ZNF117: variants seen among roughly 807,000 people sequenced by gnomAD.
ZNF117 encodes the protein Krueppel-related zinc finger protein.
ZNF117 carries 37 observed loss-of-function variants against 41.2 expected under a neutral mutation model. The observed-to-expected ratio is 0.90, with a 90% CI of 0.69 to 1.18. ZNF117 has a LOEUF of 1.18. ZNF117 is among the 50% of genes most tolerant of loss of function. ZNF117 has a pLI of 0.00. For missense variants in ZNF117, 546 were observed against 557.5 expected, an observed-to-expected ratio of 0.98 and a Z score of 0.21; for synonymous variants, 186 against 186.6, an observed-to-expected ratio of 1.00 and a Z score of 0.02.
chr7:64,972,570 C>T (rs1268104220), downstream of ZNF117: 1 of 152,014 alleles, frequency 6.6e-6, no homozygotes, highest in African/African-American at 2.4e-5. Context: ...TTTACTTACA[C>T]AGGGATTCTA....
At chr7:64,979,096 G>T in exon 3 of ZNF117, 1 of 1,613,038 alleles carries the variant, frequency 6.2e-7, no homozygotes, top group Non-Finnish European at 8.5e-7. Context: ...TCTCCAGTAT[G>T]AATTCTCTTA....
chr7:64,976,626 T>A, exon 3 of ZNF117: 1 of 264,730 alleles, frequency 3.8e-6, no homozygotes, highest in Admixed American at 5.1e-5. Context: ...ATTAAAAGTT[T>A]TGCCACATTC....
chr7:64,978,036 T>C (rs1258071157), exon 3 of ZNF117: 1 of 1,424,018 alleles, frequency 7.0e-7, no homozygotes. Context: ...GGTTGAGAAA[T>C]GGTTAGAAGT....
At position 64,981,369 on chromosome 7, in the gene ZNF117, G is replaced by C; in HGVS notation, c.34+18C>G. The C allele has an allele frequency of 6.2e-7, 1 of 1,612,690 alleles. No individual in the cohort carries two copies. The highest frequency in any genetic ancestry group is 1.1e-5 in the South Asian group (1 of 91,028). On this transcript the variant is annotated intron_variant, in intron 2 of 2. Coordinates refer to ENST00000620222, the Ensembl canonical transcript of ZNF117. ...TTGACCTCTTCTCTGTGCCATCTGT[G>C]TATTCACTCTCACTTACCTAAATGT... is the stretch of plus-strand genomic sequence containing the variant.
exon 3 of ZNF117, chr7:64,978,867 T>C: frequency 6.2e-7 from 1 of 1,613,708 alleles, no homozygotes; most frequent in Non-Finnish European, 8.5e-7. Context: ...TTCAGTAAGC[T>C]TTGAGGCTTG....
chr7:64,978,767 C>CTTA, exon 3 of ZNF117: 1 of 1,613,270 alleles, frequency 6.2e-7, no homozygotes, highest in Non-Finnish European at 8.5e-7. Flanking sequence ...TATGAATGTA[C>CTTA]TTATGTTCAG....
upstream of ZNF117, among the ~76,000 whole-genome samples, chr7:64,985,427 A>T (rs1473284305): frequency 6.6e-6 from 1 of 152,176 alleles, no homozygotes; most frequent in Non-Finnish European, 1.5e-5. Flanking sequence ...CTTCATGCTC[A>T]ACTTTTGTGT....
exon 3 of ZNF117, chr7:64,978,990 T>C (rs1270916020): frequency 1.2e-6 from 2 of 1,613,474 alleles, no homozygotes; most frequent in Admixed American, 3.3e-5. Context: ...TTCTTCACAT[T>C]TGTAGGGTTT....
upstream of ZNF117, among the ~76,000 whole-genome samples, chr7:64,985,250 C>T (rs1786111100): frequency 6.6e-6 from 1 of 152,188 alleles, no homozygotes; most frequent in African/African-American, 2.4e-5. Context: ...TAAACCAAAG[C>T]ACAACTACAG....
upstream of ZNF117, among the ~76,000 whole-genome samples, chr7:64,984,452 T>G (rs548482899): frequency 2.0e-5 from 3 of 152,206 alleles, no homozygotes; most frequent in Non-Finnish European, 4.4e-5. Flanking sequence ...TGGAATACAT[T>G]TGAGTTTGCA....
At chr7:64,983,523 T>A (rs998810839), upstream of ZNF117, among the ~76,000 whole-genome samples, 1 of 151,604 alleles carries the variant, frequency 6.6e-6, no homozygotes, top group Non-Finnish European at 1.5e-5. Flanking sequence ...AAGAACTAAA[T>A]GCATGGCATT....
chr7:64,989,423 C>T (rs188733635), intron 1 of ZNF117, among the ~76,000 whole-genome samples: 1 of 115,394 alleles, frequency 8.7e-6, no homozygotes, highest in Non-Finnish European at 1.7e-5. Context: ...GAATTAAAGA[C>T]TTAAATGTAG....
chr7:64,986,431 A>T (rs1212684737), upstream of ZNF117, among the ~76,000 whole-genome samples: 3 of 152,178 alleles, frequency 2.0e-5, no homozygotes, highest in Non-Finnish European at 4.4e-5. Context: ...GATGATGCAG[A>T]CAAATGGCAC....
chr7:64,986,538 G>A (rs982301030), upstream of ZNF117, among the ~76,000 whole-genome samples: 9 of 152,168 alleles, frequency 5.9e-5, no homozygotes, highest in Non-Finnish European at 1.0e-4. Context: ...CTGGTGGAAC[G>A]TGTAAAGATA....
chr7:64,983,405 T>C (rs577763873), upstream of ZNF117, among the ~76,000 whole-genome samples: 1 of 152,310 alleles, frequency 6.6e-6, no homozygotes, highest in South Asian at 2.1e-4. Flanking sequence ...CTCTGGTATG[T>C]AGGAAAAAAT....
At chr7:64,973,936 G>A (rs1425250610), downstream of ZNF117, 1 of 151,874 alleles carries the variant, frequency 6.6e-6, no homozygotes, top group African/African-American at 2.4e-5. Flanking sequence ...CAGCAGGAAT[G>A]TTTACAGGTT....
chr7:64,981,454 A>T (rs1786031276), exon 2 of ZNF117: 1 of 1,611,374 alleles, frequency 6.2e-7, no homozygotes, highest in Non-Finnish European at 8.5e-7. Context: ...CCAGACAGGT[A>T]ATCAGGTCTG....
intron 2 of ZNF117, 27 bp from the exon 4 acceptor site, chr7:64,979,563 C>T (rs780000594): frequency 2.1e-6 from 3 of 1,426,858 alleles, no homozygotes; most frequent in Non-Finnish European, 2.8e-6. Flanking sequence ...TAACAAACTA[C>T]TTCACTTGCT....
chr7:64,976,663 T>C (rs1785895122), exon 3 of ZNF117: 2 of 291,044 alleles, frequency 6.9e-6, no homozygotes. Context: ...TTTCCTCCAG[T>C]ATAAATTATC....
Sources: gnomAD v4.1 joint callset for allele counts (sites outside exome capture counted in the v4.1 genomes callset) on GRCh38, gnomAD v4.1.1 for gene constraint, MANE v1.5 for transcripts, NCBI Gene and HGNC (gene_info 2026-07-23, HGNC 2026-07-21) for gene names.